The following SLC25A12 variants were observed in gnomAD, a reference collection of about 807,000 sequenced individuals.
The protein encoded by SLC25A12 is solute carrier family 25 member 12, also known as electrogenic aspartate/glutamate antiporter SLC25A12, mitochondrial.
In SLC25A12, 32 loss-of-function variants were observed where a neutral mutation model predicts 83.3. That is an observed-to-expected ratio of 0.38 (90% CI 0.29 to 0.52). SLC25A12 has a LOEUF of 0.52. Ranked by LOEUF, SLC25A12 falls within the 20% of genes least tolerant of loss-of-function variation. SLC25A12 has a pLI of 0.84. For missense variants in SLC25A12, 611 were observed against 835.6 expected (o/e 0.73, Z 3.31); for synonymous variants, 267 against 291.1 (o/e 0.92, Z 0.84).
chr2:171,868,570 T>C, intron 3 of SLC25A12, 111 bp downstream of exon 3: 1 of 1,105,844 alleles, frequency 9.0e-7, no homozygotes, highest in Admixed American at 1.7e-5. Context: ...CGCCTCAGCC[T>C]TCCAAAGCGC....
At chr2:171,847,682 T>A (rs1684828942) in intron 4 of SLC25A12, among the ~76,000 whole-genome samples, 1 of 152,210 alleles carries the variant, frequency 6.6e-6, no homozygotes, top group South Asian at 2.1e-4. Context: ...AAAATCACGA[T>A]ATAGTATTTT....
At chr2:171,836,120 ATT>A (rs1684551518) in intron 6 of SLC25A12, among the ~76,000 whole-genome samples, 1 of 144,234 alleles carries the variant, frequency 6.9e-6, no homozygotes, top group Admixed American at 6.9e-5. Flanking sequence ...TCCTTCTTTC[ATT>A]TTTTTGGTTG....
At chr2:171,785,560 G>A in intron 17 of SLC25A12, 85 bp from the exon 18 acceptor site, 4 of 1,175,950 alleles carry the variant, frequency 3.4e-6, no homozygotes, top group Non-Finnish European at 5.1e-6. Context: ...TCTGACCCAT[G>A]TGCCACAAAG....
At chr2:171,865,407 T>A (rs1317373404) in intron 3 of SLC25A12, among the ~76,000 whole-genome samples, 6 of 152,162 alleles carry the variant, frequency 3.9e-5, no homozygotes, top group Non-Finnish European at 5.9e-5. Flanking sequence ...ACACCTCTAA[T>A]CCCAGCAGTT....
rs771960655 is a variant in SLC25A12 at position 171,787,841 on chromosome 2, G to A, written c.1692C>T (p.Phe564=). The part of the protein sequence containing the change: ...QTTYSGVIDC[F]RKILREEGPS... ...GCCCTTCTTCCCGGAGAATCTTCCT[G>A]AAACAGTCGATGACACCACTGTATG... The change falls in exon 16 of 18, where the codon TTC becomes TTT. Residue 564 remains phenylalanine (F), a synonymous_variant. Coordinates refer to ENST00000422440, the MANE Select transcript of SLC25A12 (RefSeq NM_003705.5). The A allele has an allele frequency of 3.1e-6, 5 of 1,614,086 alleles. No homozygotes were observed. In the Admixed American group the frequency reaches 6.7e-5, roughly 22 times the overall value.
intron 13 of SLC25A12, among the ~76,000 whole-genome samples, chr2:171,803,184 A>G (rs567344561): frequency 1.5e-4 from 23 of 152,216 alleles, no homozygotes; most frequent in African/African-American, 4.1e-4. Flanking sequence ...TGTAAAAGCT[A>G]AAACTATAAA....
chr2:171,843,524 T>C (rs937669671), intron 5 of SLC25A12, among the ~76,000 whole-genome samples: 2 of 151,916 alleles, frequency 1.3e-5, no homozygotes, highest in African/African-American at 4.8e-5. Context: ...TCCCAGCTAG[T>C]TGAGTGGCTG....
At chr2:171,794,086 A>G (rs958325489) in intron 13 of SLC25A12, among the ~76,000 whole-genome samples, 1 of 152,238 alleles carries the variant, frequency 6.6e-6, no homozygotes, top group Non-Finnish European at 1.5e-5. Flanking sequence ...TTTGGAAAAA[A>G]AAGCGGAGCC....
intron 11 of SLC25A12, among the ~76,000 whole-genome samples, chr2:171,811,571 G>A (rs1683946572): frequency 1.3e-5 from 2 of 152,190 alleles, no homozygotes. Flanking sequence ...TCATCTGACA[G>A]AATAATGGAC....
At chr2:171,875,221 G>A (rs1685539773) in intron 2 of SLC25A12, among the ~76,000 whole-genome samples, 1 of 152,162 alleles carries the variant, frequency 6.6e-6, no homozygotes, top group African/African-American at 2.4e-5. Context: ...GTGGCCAATG[G>A]GGAACCTCTA....
intron 13 of SLC25A12, among the ~76,000 whole-genome samples, chr2:171,801,492 G>C (rs993988316): frequency 6.6e-6 from 1 of 151,924 alleles, no homozygotes; most frequent in African/African-American, 2.4e-5. Context: ...TTGTGTCTTC[G>C]AATAAACATA....
At chr2:171,868,044 C>CT (rs1685374556) in intron 3 of SLC25A12, among the ~76,000 whole-genome samples, 2 of 152,048 alleles carry the variant, frequency 1.3e-5, no homozygotes, top group Non-Finnish European at 2.9e-5. Flanking sequence ...GATGGGGTTT[C>CT]ACCATGTTAG....
At chr2:171,836,783 C>CTAT (rs1157418051) in intron 6 of SLC25A12, among the ~76,000 whole-genome samples, 1 of 152,114 alleles carries the variant, frequency 6.6e-6, no homozygotes, top group Non-Finnish European at 1.5e-5. Context: ...TCACCCTTGT[C>CTAT]TATAAACTCT....
intron 9 of SLC25A12, 132 bp downstream of exon 9, chr2:171,826,666 C>T (rs1346502779): frequency 5.0e-5 from 35 of 696,782 alleles, no homozygotes; most frequent in Non-Finnish European, 8.2e-5. Context: ...TAAAGGTAAT[C>T]TTTAAGCTAA....
intron 4 of SLC25A12, among the ~76,000 whole-genome samples, chr2:171,851,401 G>A (rs562680686): frequency 8.6e-5 from 13 of 150,358 alleles, no homozygotes; most frequent in Non-Finnish European, 1.8e-4. Context: ...CTGTTGGCCA[G>A]GCTGGTCTCA....
intron 2 of SLC25A12, among the ~76,000 whole-genome samples, chr2:171,877,102 C>G (rs1410027237): frequency 6.6e-6 from 1 of 152,158 alleles, no homozygotes; most frequent in Non-Finnish European, 1.5e-5. Context: ...CATTCTAAAG[C>G]TTAAGAAATA....
intron 14 of SLC25A12, among the ~76,000 whole-genome samples, chr2:171,793,335 GAA>G (rs933895507): frequency 5.3e-5 from 8 of 152,074 alleles, no homozygotes; most frequent in Admixed American, 1.3e-4. Flanking sequence ...GAGCACCAGG[GAA>G]AGTTTTCCCA....
chr2:171,809,992 G>A (rs1260689632), intron 12 of SLC25A12, among the ~76,000 whole-genome samples: 3 of 152,002 alleles, frequency 2.0e-5, no homozygotes, highest in Non-Finnish European at 2.9e-5. Flanking sequence ...CAGCCTCCTG[G>A]CATAAATCAC....
chr2:171,817,600 C>CCAAA (rs1684080632), intron 9 of SLC25A12, among the ~76,000 whole-genome samples: 1 of 64,252 alleles, frequency 1.6e-5, no homozygotes, highest in Non-Finnish European at 2.7e-5. Context: ...GACTCTGCCT[C>CCAAA]AAAAAAAAAA....
Sources: gnomAD v4.1 joint callset for allele counts (sites outside exome capture counted in the v4.1 genomes callset) on GRCh38, gnomAD v4.1.1 for gene constraint, MANE v1.5 for transcripts, NCBI Gene and HGNC (gene_info 2026-07-23, HGNC 2026-07-21) for gene names.